Variants in SNRK observed in about 807,000 individuals in gnomAD.
SNRK encodes the protein SNF-related serine/threonine-protein kinase.
SNRK carries 3 observed loss-of-function variants against 48.2 expected under a neutral mutation model. The observed-to-expected ratio is 0.06, with a 90% confidence interval of 0.03 to 0.16. The LOEUF (loss-of-function observed/expected upper bound fraction) is 0.16. SNRK is among the 10% of genes least tolerant of loss of function. The pLI is 1.00. For synonymous variants in SNRK, 376 were observed against 366.1 expected, an observed-to-expected ratio of 1.03 and a Z score of -0.31; for missense variants, 627 against 976.0, an observed-to-expected ratio of 0.64 and a Z score of 4.76.
chr3:43,328,802 G>GT (rs2091122864), intron 3 of SNRK, among the ~76,000 whole-genome samples: 1 of 152,106 alleles, frequency 6.6e-6, no homozygotes, highest in Non-Finnish European at 1.5e-5. Context: ...TCCCACATCT[G>GT]TTTCACTAAT....
At chr3:43,318,767 T>C (rs546981517) in intron 3 of SNRK, among the ~76,000 whole-genome samples, 5 of 152,260 alleles carry the variant, frequency 3.3e-5, no homozygotes, top group African/African-American at 1.2e-4. Flanking sequence ...GGCTCATGCC[T>C]TTAATCGCAG....
intron 2 of SNRK, among the ~76,000 whole-genome samples, chr3:43,300,755 G>A (rs2090892267): frequency 6.6e-6 from 1 of 152,000 alleles, no homozygotes; most frequent in South Asian, 2.1e-4. Context: ...CAGATGACAG[G>A]GATAATATAC....
chr3:43,309,612 G>GTTTTT (rs35398476), intron 3 of SNRK, among the ~76,000 whole-genome samples: 25 of 143,114 alleles, frequency 1.7e-4, no homozygotes, highest in Non-Finnish European at 2.7e-4. Flanking sequence ...TAGAAATAAG[G>GTTTTT]TTTTTTTTTT....
chr3:43,314,713 C>T (rs954512493), intron 3 of SNRK, among the ~76,000 whole-genome samples: 9 of 151,996 alleles, frequency 5.9e-5, no homozygotes, highest in African/African-American at 1.4e-4. Context: ...CTAAGTAAGC[C>T]GTAAAACCTT....
chr3:43,328,126 TAATA>T (rs1215317918), intron 3 of SNRK, among the ~76,000 whole-genome samples: 1 of 152,152 alleles, frequency 6.6e-6, no homozygotes, highest in East Asian at 1.9e-4. Context: ...CGTGGATCTT[TAATA>T]TGAAGAGACA....
intron 1 of SNRK, among the ~76,000 whole-genome samples, chr3:43,299,044 T>A (rs1336138657): frequency 6.6e-6 from 1 of 152,180 alleles, no homozygotes; most frequent in Non-Finnish European, 1.5e-5. Flanking sequence ...TGATTGGAGC[T>A]AGAGACTGCT....
At chr3:43,327,580 T>C (rs958923839) in intron 3 of SNRK, among the ~76,000 whole-genome samples, 4 of 152,246 alleles carry the variant, frequency 2.6e-5, no homozygotes, top group Admixed American at 2.0e-4. Context: ...ATTTTTATTA[T>C]TTTCTAATCC....
intron 1 of SNRK, among the ~76,000 whole-genome samples, chr3:43,293,553 T>G (rs2090829645): frequency 6.6e-6 from 1 of 152,158 alleles, no homozygotes; most frequent in African/African-American, 2.4e-5. Context: ...TATCCTGTAA[T>G]CTTACTAATT....
chr3:43,303,735 C>T lies in SNRK; in HGVS notation c.532C>T (p.Leu178Phe). 6.2e-7 allele frequency: 1 copy of T among 1,613,928 alleles called. No individual in the cohort carries two copies. Among genetic ancestry groups the T allele is most frequent in the Non-Finnish European group, 8.5e-7 (1 of 1,179,988 alleles). Residue 178 changes from leucine to phenylalanine, a missense_variant, in exon 3 of 7, where the codon CTT (leucine) becomes TTT (phenylalanine). Around this residue, in one of 4 missense-constraint regions of SNRK, gnomAD observed 147 missense variants for 356.8 expected, o/e 0.41. Coordinates refer to ENST00000296088, the MANE Select transcript of SNRK (RefSeq NM_017719.5). The surrounding 1 kb of genome is among the most constrained non-coding windows in gnomAD (Gnocchi z 6.2). ...GAAGCTCACTACAAGCTGTGGATCT[C>T]TTGCATATTCCGCTCCAGAAATTCT... Reference protein sequence around the residue: ...GKKLTTSCGSLAYSAPEILLG... With the variant: ...GKKLTTSCGSFAYSAPEILLG...
intron 3 of SNRK, among the ~76,000 whole-genome samples, chr3:43,319,248 A>G (rs976738577): frequency 6.6e-6 from 1 of 152,192 alleles, no homozygotes; most frequent in Non-Finnish European, 1.5e-5. Context: ...TTTCTAGTGT[A>G]GTGTAAACAG....
At chr3:43,341,833 T>G (rs187770634) in intron 5 of SNRK, among the ~76,000 whole-genome samples, 1 of 152,240 alleles carries the variant, frequency 6.6e-6, no homozygotes, top group African/African-American at 2.4e-5. Context: ...AAGGACACTT[T>G]AGAGTGTTTT....
rs1157670974 is a variant in SNRK, at chr3:43,349,822, A to AG, written c.*1269dup. 2.6e-5 allele frequency: 4 copies of AG among 152,230 alleles called. No individual in the cohort carries two copies. The highest frequency in any genetic ancestry group is 9.7e-5 in the African/African-American group (4 of 41,448). 9.4% of individuals were successfully genotyped at this position (152,230 alleles called of 1,614,324 possible). ...TATATTGCAAATTGCTGATTATGGA[A>AG]GGGGCCAGTTGCTGTTTTTTCATGC... On this transcript the variant is annotated 3_prime_UTR_variant, in exon 7 of 7. Transcript: ENST00000296088.
At chr3:43,312,698 A>G (rs1205049430) in intron 3 of SNRK, among the ~76,000 whole-genome samples, 1 of 152,224 alleles carries the variant, frequency 6.6e-6, no homozygotes, top group Non-Finnish European at 1.5e-5. Flanking sequence ...GTACATAGAC[A>G]ATCTCATGGA....
At chr3:43,307,020 G>GGA (rs773607393) in intron 3 of SNRK, among the ~76,000 whole-genome samples, 2 of 151,930 alleles carry the variant, frequency 1.3e-5, no homozygotes, top group Non-Finnish European at 2.9e-5. Context: ...TTGTATACTT[G>GGA]GAGTTTTTAT....
At chr3:43,340,674 G>T in intron 5 of SNRK, 175 bp downstream of exon 5, 1 of 618,008 alleles carries the variant, frequency 1.6e-6, no homozygotes, top group Non-Finnish European at 2.8e-6. Flanking sequence ...GGTTTTTTTT[G>T]GTGTTTTGGT....
chr3:43,309,464 TGTCTTATTTTAAGAAATAGCCACA>T (rs1482802207), intron 3 of SNRK, among the ~76,000 whole-genome samples: 1 of 152,188 alleles, frequency 6.6e-6, no homozygotes, highest in Non-Finnish European at 1.5e-5. Flanking sequence ...ACTTCATTCT[TGTCTTATTTTAAGAAATAGCCACA>T]GCCATGCCAA....
intron 1 of SNRK, among the ~76,000 whole-genome samples, chr3:43,297,580 T>C (rs1011472552): frequency 1.3e-5 from 2 of 152,170 alleles, no homozygotes; most frequent in Admixed American, 6.5e-5. Context: ...GATTTTTTTT[T>C]CAAAATTCCT....
Position 43,350,695 on chromosome 3 carries a change from AAGGG to A in SNRK, c.*2145_*2148del, listed in dbSNP as rs2091316274. 1 of 152,612 alleles carries A rather than the reference AAGGG, an allele frequency of 6.6e-6. No homozygotes were observed. The highest frequency in any genetic ancestry group is 1.5e-5 in the Non-Finnish European group (1 of 68,042). 9.5% of individuals were successfully genotyped at this position (152,612 alleles called of 1,614,324 possible). ...TATGTCATAGTATGTCGTCACATAA[AAGGG>A]AGGGAGCGAAAAACCATTACATTAA... is the stretch of plus-strand genomic sequence containing the variant. On this transcript the variant is annotated 3_prime_UTR_variant, in exon 7 of 7. Transcript: ENST00000296088.
chr3:43,348,785 A>T lies in SNRK; in HGVS notation c.*228A>T, dbSNP rs1025545565. The T allele has an allele frequency of 5.0e-6, 2 of 401,946 alleles. No homozygotes were observed. The highest frequency in any genetic ancestry group is 1.3e-3 in the Middle Eastern group (2 of 1,534). 24.9% of individuals were successfully genotyped at this position (401,946 alleles called of 1,614,324 possible). A position where few individuals can be genotyped will look rare whatever the true frequency, so the allele number is the denominator to read the frequency against. ...CTATTATGTAATTTTTACATTCATA[A>T]TTTTAATGTGGATGATCAGGATTAA... On this transcript the variant is annotated 3_prime_UTR_variant, in exon 7 of 7. Coordinates refer to ENST00000296088, the MANE Select transcript of SNRK (RefSeq NM_017719.5).
Sources: gnomAD v4.1 joint callset for allele counts (sites outside exome capture counted in the v4.1 genomes callset) on GRCh38, gnomAD v4.1.1 for gene constraint, gnomAD v4.1.1 regional missense constraint, Gnocchi (gnomAD v3.1) non-coding constraint, MANE v1.5 for transcripts, NCBI Gene and HGNC (gene_info 2026-07-23, HGNC 2026-07-21) for gene names.